Variants in ZCWPW1 observed in about 807,000 individuals in gnomAD.
The protein encoded by ZCWPW1 is zinc finger CW-type PWWP domain protein 1.
Under a neutral mutation model 81.3 loss-of-function variants are expected in ZCWPW1, and 56 were observed. The observed-to-expected ratio is 0.69, with a 90% CI of 0.56 to 0.86. ZCWPW1 has a LOEUF of 0.86. Ranked by LOEUF, ZCWPW1 falls within the 40% of genes least tolerant of loss-of-function variation. ZCWPW1 has a pLI of 0.00. For missense variants in ZCWPW1, 650 were observed against 769.8 expected, an observed-to-expected ratio of 0.84 and a Z score of 1.84; for synonymous variants, 250 against 273.7, an observed-to-expected ratio of 0.91 and a Z score of 0.86.
chr7:100,420,725 T>A, intron 2 of ZCWPW1, 47 bp from the exon 3 acceptor site: 1 of 1,581,808 alleles, frequency 6.3e-7, no homozygotes, highest in Non-Finnish European at 8.6e-7. Flanking sequence ...TTAAACAAGA[T>A]TTTAAACTTT....
At chr7:100,426,285 G>A (rs1797311573) in intron 1 of ZCWPW1, among the ~76,000 whole-genome samples, 1 of 152,170 alleles carries the variant, frequency 6.6e-6, no homozygotes, top group South Asian at 2.1e-4. Flanking sequence ...CCTAAGGTCA[G>A]GAGTTCAAGA....
At chr7:100,404,364 A>G in intron 13 of ZCWPW1, 120 bp from the exon 14 acceptor site, 1 of 921,302 alleles carries the variant, frequency 1.1e-6, no homozygotes, top group Non-Finnish European at 1.7e-6. Context: ...CAAAATTATC[A>G]TTATTATTAT....
At chr7:100,407,482 T>C (rs796584583) in intron 10 of ZCWPW1, among the ~76,000 whole-genome samples, 179 bp from the exon 11 acceptor site, 2 of 152,306 alleles carry the variant, frequency 1.3e-5, no homozygotes, top group African/African-American at 2.4e-5. Context: ...AGCTTTGATC[T>C]GTCAGGCGCA....
chr7:100,426,492 CAAAAAA>C (rs1239534406), intron 1 of ZCWPW1, among the ~76,000 whole-genome samples: 1 of 72,260 alleles, frequency 1.4e-5, no homozygotes. Flanking sequence ...GACTCTGTCT[CAAAAAA>C]AAAAAAAAAA....
intron 8 of ZCWPW1, among the ~76,000 whole-genome samples, chr7:100,412,943 T>G (rs1199286874): frequency 6.6e-6 from 1 of 152,006 alleles, no homozygotes; most frequent in Non-Finnish European, 1.5e-5. Context: ...GCTGGAGTGA[T>G]GTGGTATGAA....
At chr7:100,408,726 C>G in intron 9 of ZCWPW1, 67 bp from the exon 10 acceptor site, 1 of 1,561,884 alleles carries the variant, frequency 6.4e-7, no homozygotes, top group Middle Eastern at 1.9e-4. Flanking sequence ...TGGATGAGAG[C>G]TGGGGAGAGA....
intron 8 of ZCWPW1, among the ~76,000 whole-genome samples, chr7:100,415,684 T>C (rs1584269216): frequency 6.6e-6 from 1 of 152,218 alleles, no homozygotes; most frequent in East Asian, 1.9e-4. Context: ...ACATCTTCTA[T>C]TACCTTTTTT....
chr7:100,413,591 A>T (rs1415309906), intron 8 of ZCWPW1, among the ~76,000 whole-genome samples: 1 of 152,192 alleles, frequency 6.6e-6, no homozygotes, highest in Non-Finnish European at 1.5e-5. Context: ...CTCCTTGGCA[A>T]CTGTAAGAAA....
chr7:100,417,893 GTTTTT>G, intron 5 of ZCWPW1, among the ~76,000 whole-genome samples: 1 of 149,962 alleles, frequency 6.7e-6, no homozygotes, highest in South Asian at 2.1e-4. Context: ...TTGTTTTTTG[GTTTTT>G]TTTTGAGACA....
intron 8 of ZCWPW1, among the ~76,000 whole-genome samples, chr7:100,411,376 C>T (rs889892820): frequency 1.3e-5 from 2 of 152,040 alleles, no homozygotes; most frequent in Admixed American, 6.6e-5. Context: ...CAGTGATCCT[C>T]CCACTTCAGC....
At chr7:100,403,097 T>A (rs529276453) in intron 15 of ZCWPW1, among the ~76,000 whole-genome samples, 1 of 152,224 alleles carries the variant, frequency 6.6e-6, no homozygotes, top group South Asian at 2.1e-4. Context: ...CCCAAATATC[T>A]GACAACTGGG....
intron 8 of ZCWPW1, among the ~76,000 whole-genome samples, chr7:100,413,328 G>A (rs1216299074): frequency 1.3e-5 from 2 of 152,146 alleles, no homozygotes; most frequent in African/African-American, 2.4e-5. Context: ...CTTGCTCTCT[G>A]AGCTCCGCAA....
intron 1 of ZCWPW1, among the ~76,000 whole-genome samples, chr7:100,427,893 C>CCCTT (rs1241808491): frequency 2.0e-5 from 3 of 151,936 alleles, no homozygotes; most frequent in Admixed American, 2.0e-4. Context: ...CCCGTCCCCT[C>CCCTT]CCTTCCTTCC....
rs761559512 is a variant in ZCWPW1, at chr7:100,409,343, G to A, written c.871+85C>T. 6.3e-5 allele frequency: 67 copies of A among 1,063,944 alleles called. 1 individual carries two copies. The highest frequency in any genetic ancestry group is 1.3e-4 in the Admixed American group (7 of 52,654). 65.9% of individuals were successfully genotyped at this position (1,063,944 alleles called of 1,614,324 possible). On this transcript the variant is annotated intron_variant, in intron 9 of 17. Coordinates refer to ENST00000684423, the MANE Select transcript of ZCWPW1 (RefSeq NM_001386010.1). ...GACACTGAGTGCTAACTATATTTAC[G>A]TAGTATTTAATCTAAAGGATAAGTG...
intron 16 of ZCWPW1, 97 bp downstream of exon 16, chr7:100,402,419 G>A (rs1445786119): frequency 7.5e-7 from 1 of 1,335,678 alleles, no homozygotes; most frequent in East Asian, 2.3e-5. Context: ...TCCTGGCACT[G>A]AGATGGGCAG....
intron 2 of ZCWPW1, among the ~76,000 whole-genome samples, chr7:100,421,048 G>A (rs1432112754): frequency 6.6e-6 from 1 of 152,226 alleles, no homozygotes; most frequent in Non-Finnish European, 1.5e-5. Context: ...TACTCTGGAG[G>A]CTGAGGTGAG....
intron 16 of ZCWPW1, chr7:100,402,251 G>C: frequency 1.2e-6 from 1 of 804,446 alleles, no homozygotes; most frequent in Non-Finnish European, 2.1e-6. Flanking sequence ...TCTCTTTACA[G>C]TTCTCCTCAG....
At chr7:100,419,225 T>C (rs377028886) in intron 4 of ZCWPW1, 36 bp from the exon 5 acceptor site, 1 of 1,575,226 alleles carries the variant, frequency 6.3e-7, no homozygotes, top group Non-Finnish European at 8.7e-7. Flanking sequence ...AAACCACTTA[T>C]CTTTCCATAG....
chr7:100,407,159 C>T (rs1793185521), intron 11 of ZCWPW1, 69 bp downstream of exon 11: 7 of 1,425,796 alleles, frequency 4.9e-6, no homozygotes, highest in South Asian at 3.5e-5. Flanking sequence ...CTTATCTGTA[C>T]GTCTGTGAGG....
Sources: gnomAD v4.1 joint callset for allele counts (sites outside exome capture counted in the v4.1 genomes callset) on GRCh38, gnomAD v4.1.1 for gene constraint, MANE v1.5 for transcripts, NCBI Gene and HGNC (gene_info 2026-07-23, HGNC 2026-07-21) for gene names.